BTN3A1: variants seen among roughly 807,000 people sequenced by gnomAD.
BTN3A1 encodes butyrophilin subfamily 3 member A1.
A neutral mutation model predicts 43.0 loss-of-function variants in BTN3A1; 24 were observed. The ratio of observed to expected loss-of-function variants is 0.56; its 90% confidence interval spans 0.40 to 0.78. BTN3A1 has a LOEUF of 0.78. Ranked by LOEUF, BTN3A1 falls within the 30% of genes least tolerant of loss-of-function variation. The pLI, the probability that BTN3A1 is intolerant of heterozygous loss-of-function variation, is 0.00. For missense variants in BTN3A1, 533 were observed against 626.2 expected, an observed-to-expected ratio of 0.85 and a Z score of 1.59; for synonymous variants, 181 against 234.7, an observed-to-expected ratio of 0.77 and a Z score of 2.09.
Position 26,405,441 on chromosome 6 carries a change from T to C in BTN3A1, c.-123T>C, listed in dbSNP as rs1761979248. On this transcript the variant is annotated 5_prime_UTR_variant, in exon 2 of 10. Coordinates refer to ENST00000289361, the MANE Select transcript of BTN3A1 (RefSeq NM_007048.6). Reference sequence around the variant, plus strand: ...AGAATTTTTGGCAGAGGAAAGATCTTCTTCGGTCACCATACTTGAGTTAGC... The same window carrying C: ...AGAATTTTTGGCAGAGGAAAGATCTCCTTCGGTCACCATACTTGAGTTAGC... The C allele has an allele frequency of 1.1e-6, 1 of 920,082 alleles. No individual in the cohort carries two copies. The highest frequency in any genetic ancestry group is 1.7e-6 in the Non-Finnish European group (1 of 583,312). 57.0% of individuals were successfully genotyped at this position (920,082 alleles called of 1,614,324 possible). A position where few individuals can be genotyped will look rare whatever the true frequency, so the allele number is the denominator to read the frequency against.
intron 1 of BTN3A1, among the ~76,000 whole-genome samples, chr6:26,403,556 T>A (rs1261022239): frequency 1.6e-4 from 24 of 152,192 alleles, no homozygotes; most frequent in Non-Finnish European, 2.9e-5. Context: ...TTTTTTTTCT[T>A]TTAATAGCCA....
chr6:26,413,586 G>A lies in BTN3A1; in HGVS notation c.1436G>A (p.Gly479Glu). The A allele has an allele frequency of 1.2e-6, 2 of 1,614,136 alleles. No homozygotes were observed. Residue 479 changes from glycine (G) to glutamate (E), a missense_variant, in exon 10 of 10, where the codon GGA becomes GAA. By Grantham distance (98) the Gly-to-Glu change is moderately conservative (BLOSUM62 -2). Transcript: ENST00000289361. ...GDISFYNAVD[G>E]SHIHTFLDVS... The stretch of plus-strand genomic sequence containing the variant: ...ATCTCATTCTACAATGCTGTGGATG[G>A]ATCGCATATTCATACTTTCCTGGAC...
At position 26,409,753 on chromosome 6, in the gene BTN3A1, T is replaced by G. The variant is rs749740976; in HGVS notation, c.916+20T>G. ...CAAGAGGTAGCTGACCTTGGGAGTT[T>G]ATCTGAGCCCCTGGCTTACGGGCCA... On this transcript the variant is annotated intron_variant, in intron 5 of 9. Transcript: ENST00000289361. The G allele has an allele frequency of 1.3e-6, 2 of 1,574,760 alleles. No individual in the cohort carries two copies. Among genetic ancestry groups the G allele is most frequent in the Non-Finnish European group, 1.7e-6 (2 of 1,163,898 alleles).
chr6:26,408,061 C>G, intron 4 of BTN3A1, 109 bp downstream of exon 4: 1 of 1,515,830 alleles, frequency 6.6e-7, no homozygotes, highest in Non-Finnish European at 8.9e-7. Flanking sequence ...GAATATAAGG[C>G]CCAAAGCACA....
intron 7 of BTN3A1, 84 bp from the exon 8 acceptor site, chr6:26,411,025 A>AAAAAAAAT: frequency 6.3e-6 from 5 of 796,986 alleles, no homozygotes; most frequent in Non-Finnish European, 9.8e-6. Flanking sequence ...AAAAAAAAAG[A>AAAAAAAAT]TTAGATGGAT....
Position 26,405,931 on chromosome 6 carries a change from C to G in BTN3A1, c.108C>G (p.Pro36=). 6.2e-7 allele frequency: 1 copy of G among 1,613,744 alleles called. No individual in the cohort carries two copies. ...PHSAQFSVLG[P]SGPILAMVGE... ...CAGCTCAGTTTTCTGTGCTTGGACC[C>G]TCTGGGCCCATCCTGGCCATGGTGG... The change falls in exon 3 of 10, where the codon CCC becomes CCG. Residue 36 remains proline, a synonymous_variant. Coordinates refer to ENST00000289361, the MANE Select transcript of BTN3A1 (RefSeq NM_007048.6).
At chr6:26,412,425 C>A in intron 9 of BTN3A1, 3 of 1,248,184 alleles carry the variant, frequency 2.4e-6, no homozygotes, top group Non-Finnish European at 3.4e-6. Context: ...CTCCCATTGG[C>A]CAAACCCAAC....
chr6:26,413,914 C>A lies in BTN3A1; in HGVS notation c.*222C>A. On this transcript the variant is annotated 3_prime_UTR_variant, in exon 10 of 10. Transcript: ENST00000289361. ...CTGAAGCACTTTACTGATACTCATTCAATTATTCATATGACAGTTGTTTGA... is the reference window on the plus strand; with the variant it reads ...CTGAAGCACTTTACTGATACTCATTAAATTATTCATATGACAGTTGTTTGA... The A allele has an allele frequency of 1.4e-6, 1 of 730,928 alleles. No individual in the cohort carries two copies. Among genetic ancestry groups the A allele is most frequent in the Non-Finnish European group, 2.2e-6 (1 of 457,800 alleles). The allele number at this position is 730,928 out of a possible 1,614,324, so 45.3% of individuals were successfully genotyped here. A position where few individuals can be genotyped will look rare whatever the true frequency, so the allele number is the denominator to read the frequency against.
chr6:26,403,133 T>G (rs1257633948), intron 1 of BTN3A1, among the ~76,000 whole-genome samples: 1 of 152,240 alleles, frequency 6.6e-6, no homozygotes, highest in Non-Finnish European at 1.5e-5. Context: ...TGGCATGTTC[T>G]CGGCTTACTG....
chr6:26,411,025 A>AAAAAAAATTT, intron 7 of BTN3A1, 84 bp from the exon 8 acceptor site: 1 of 796,988 alleles, frequency 1.3e-6, no homozygotes, highest in Non-Finnish European at 2.0e-6. Context: ...AAAAAAAAAG[A>AAAAAAAATTT]TTAGATGGAT....
rs1316416654 is a variant in BTN3A1, at chr6:26,414,137, A to G, written c.*445A>G. ...TGGATGTCACTCCTTTAATCCTCGC[A>G]ACACCCTGTCGGGTAGTCTCATTTA... On this transcript the variant is annotated 3_prime_UTR_variant, in exon 10 of 10. Transcript: ENST00000289361. 1.4e-5 allele frequency: 3 copies of G among 215,526 alleles called. No individual in the cohort carries two copies. The highest frequency in any genetic ancestry group is 2.8e-5 in the Non-Finnish European group (3 of 106,356). The allele number at this position is 215,526 out of a possible 1,614,324, so 13.4% of individuals were successfully genotyped here. A position where few individuals can be genotyped will look rare whatever the true frequency, so the allele number is the denominator to read the frequency against.
At chr6:26,410,175 T>C (rs2113801452) in intron 7 of BTN3A1, 143 bp downstream of exon 7, 3 of 950,916 alleles carry the variant, frequency 3.2e-6, no homozygotes, top group East Asian at 2.6e-5. Context: ...TGCCAATTCC[T>C]AGTCATTGCC....
chr6:26,412,295 C>T, intron 9 of BTN3A1: 1 of 607,002 alleles, frequency 1.6e-6, no homozygotes, highest in South Asian at 2.1e-5. Context: ...AAAGAGAGGG[C>T]TCCCTGAGAA....
intron 9 of BTN3A1, 109 bp from the exon 10 acceptor site, chr6:26,413,060 C>G: frequency 2.0e-6 from 3 of 1,521,632 alleles, no homozygotes; most frequent in Non-Finnish European, 2.6e-6. Flanking sequence ...CTAGGGACAC[C>G]AGGCTTTGGA....
chr6:26,406,066 T>C lies in BTN3A1; in HGVS notation c.243T>C (p.Asp81=), dbSNP rs1762009154. Residue 81 remains aspartate (D), a synonymous_variant, in exon 3 of 10, where the codon GAT becomes GAC. Coordinates refer to ENST00000289361, the MANE Select transcript of BTN3A1 (RefSeq NM_007048.6). The part of the protein sequence containing the change: ...SLRQVVNVYA[D]GKEVEDRQSA... The stretch of plus-strand genomic sequence containing the variant: ...GGCAGGTGGTGAACGTGTATGCAGA[T>C]GGAAAGGAAGTGGAAGACAGGCAGA... The C allele has an allele frequency of 1.9e-6, 3 of 1,606,384 alleles. No homozygotes were observed. The highest frequency in any genetic ancestry group is 2.5e-6 in the Non-Finnish European group (3 of 1,177,022).
intron 4 of BTN3A1, among the ~76,000 whole-genome samples, chr6:26,408,560 T>C (rs1762099123): frequency 6.6e-6 from 1 of 152,236 alleles, no homozygotes; most frequent in Non-Finnish European, 1.5e-5. Context: ...GCACAACCTC[T>C]GTTGGGGGCT....
chr6:26,413,660 G>T lies in BTN3A1; in HGVS notation c.1510G>T (p.Glu504Ter), dbSNP rs1302247776. The T allele has an allele frequency of 6.2e-7, 1 of 1,613,646 alleles. No homozygotes were observed. ...TCCTGTTTTCAGAATTTTGACCTTG[G>T]AGCCCACGGCCCTGACTATTTGTCC... ...LYPVFRILTL[E>*]PTALTICPA Residue 504 changes from glutamate to a stop codon, truncating the protein, a stop_gained, in exon 10 of 10, where the codon GAG (glutamate) becomes TAG (stop). Coordinates refer to ENST00000289361, the MANE Select transcript of BTN3A1 (RefSeq NM_007048.6). LOFTEE classifies it low-confidence loss of function (END_TRUNC).
intron 4 of BTN3A1, among the ~76,000 whole-genome samples, chr6:26,408,260 C>T (rs1762090197): frequency 2.0e-5 from 3 of 149,866 alleles, no homozygotes; most frequent in South Asian, 2.1e-4. Context: ...TATATATATA[C>T]AAACTCATAG....
At chr6:26,412,753 G>A in intron 9 of BTN3A1, 1 of 1,551,452 alleles carries the variant, frequency 6.4e-7, no homozygotes, top group South Asian at 1.2e-5. Flanking sequence ...TAAATTGGAT[G>A]TATGGAAAAA....
Sources: gnomAD v4.1 joint callset for allele counts (sites outside exome capture counted in the v4.1 genomes callset) on GRCh38, gnomAD v4.1.1 for gene constraint, MANE v1.5 for transcripts, NCBI Gene and HGNC (gene_info 2026-07-23, HGNC 2026-07-21) for gene names.